The following SEC14L1 variants were observed in gnomAD, a reference collection of about 807,000 sequenced individuals.
The protein encoded by SEC14L1 is SEC14-like protein 1.
A neutral mutation model predicts 85.3 loss-of-function variants in SEC14L1; 48 were observed. The observed-to-expected ratio is 0.56, with a 90% CI of 0.45 to 0.72. The LOEUF is 0.72. Ranked by LOEUF, SEC14L1 falls within the 30% of genes least tolerant of loss-of-function variation. The probability of loss-of-function intolerance (pLI) is 0.00; values close to 1 mark genes in which losing one functional copy is unlikely to be tolerated. For synonymous variants in SEC14L1, 391 were observed against 355.5 expected, an observed-to-expected ratio of 1.10 and a Z score of -1.12; for missense variants, 682 against 921.4, an observed-to-expected ratio of 0.74 and a Z score of 3.36.
intron 3 of SEC14L1, among the ~76,000 whole-genome samples, chr17:77,180,093 GTTA>G (rs1567913200): frequency 9.4e-4 from 127 of 135,214 alleles, no homozygotes; most frequent in African/African-American, 3.3e-3. Flanking sequence ...GTTATGTTAT[GTTA>G]TGTTACTTTA....
upstream of SEC14L1, among the ~76,000 whole-genome samples, chr17:77,139,592 G>A (rs991790849): frequency 2.0e-5 from 3 of 151,042 alleles, no homozygotes; most frequent in African/African-American, 7.3e-5. Context: ...CTGCCTCCAG[G>A]GTTCACGCCA....
chr17:77,145,778 C>T (rs1469740114), intron 3 of SEC14L1, among the ~76,000 whole-genome samples: 1 of 152,128 alleles, frequency 6.6e-6, no homozygotes, highest in Non-Finnish European at 1.5e-5. Context: ...AGGGAGGTTC[C>T]TGGCTGCTCT....
intron 3 of SEC14L1, among the ~76,000 whole-genome samples, chr17:77,161,063 T>C (rs988280781): frequency 6.6e-6 from 1 of 152,256 alleles, no homozygotes; most frequent in Non-Finnish European, 1.5e-5. Context: ...CATATTCATT[T>C]TGAAGGGGAA....
upstream of SEC14L1, among the ~76,000 whole-genome samples, chr17:77,139,789 C>A (rs1027674702): frequency 6.6e-6 from 1 of 152,070 alleles, no homozygotes; most frequent in African/African-American, 2.4e-5. Context: ...TGAGCCACCG[C>A]GCCCGGCCGG....
chr17:77,092,391 G>C (rs796581788), intron 2 of SEC14L1, among the ~76,000 whole-genome samples: 5 of 152,244 alleles, frequency 3.3e-5, no homozygotes, highest in African/African-American at 1.2e-4. Flanking sequence ...ACCCTTCAGG[G>C]GATGGGACCC....
chr17:77,133,409 T>C (rs1361093565), intron 3 of SEC14L1, among the ~76,000 whole-genome samples: 4 of 152,216 alleles, frequency 2.6e-5, no homozygotes, highest in Admixed American at 1.3e-4. Context: ...GTGACCAGGC[T>C]GCTGACACTG....
intron 3 of SEC14L1, chr17:77,185,473 T>A: frequency 1.4e-6 from 1 of 725,790 alleles, no homozygotes; most frequent in Non-Finnish European, 1.7e-6. Context: ...AAATTCAAGG[T>A]GAGGCTGCGT....
In SEC14L1 at chr17:77,213,293, C is replaced by G. The variant is rs1315404462; in HGVS notation, c.1864-21C>G. On this transcript the variant is annotated intron_variant, in intron 15 of 16. Coordinates refer to ENST00000436233, the MANE Select transcript of SEC14L1 (RefSeq NM_001143998.2). This position sits in a 1 kb window ranked among gnomAD's most constrained non-coding sequence, Gnocchi z 7.1. Reference sequence around the variant, plus strand: ...GTCGGAAGCGAGTCGCCCTCAGCTGCCACTGCCCTACTTGTTCTAGGGTTC... The same window carrying G: ...GTCGGAAGCGAGTCGCCCTCAGCTGGCACTGCCCTACTTGTTCTAGGGTTC... The G allele has an allele frequency of 5.7e-6, 9 of 1,585,988 alleles. No homozygotes were observed. Among genetic ancestry groups the G allele is most frequent in the African/African-American group, 1.3e-5 (1 of 74,592 alleles).
At chr17:77,108,947 C>T (rs1211189174) in intron 3 of SEC14L1, among the ~76,000 whole-genome samples, 3 of 152,016 alleles carry the variant, frequency 2.0e-5, no homozygotes, top group Non-Finnish European at 4.4e-5. Context: ...CTCAGCCTCC[C>T]AAGTAGCTGG....
chr17:77,150,188 T>C (rs1471287515), intron 3 of SEC14L1, among the ~76,000 whole-genome samples: 1 of 152,208 alleles, frequency 6.6e-6, no homozygotes, highest in Admixed American at 6.5e-5. Flanking sequence ...GTCTCATGTC[T>C]TCCCATTAAG....
chr17:77,206,429 G>T lies in SEC14L1; in HGVS notation c.1341+29G>T, dbSNP rs1338214724. On this transcript the variant is annotated intron_variant, in intron 12 of 16. Transcript: ENST00000436233. The surrounding 1 kb of genome is among the most constrained non-coding windows in gnomAD (Gnocchi z 4.3). ...GGTTGAGATGCTTTTTGCAGTAACT[G>T]TGAGCCATTTGGAAAGCAGATAACA... The T allele has an allele frequency of 6.2e-7, 1 of 1,601,322 alleles. No homozygotes were observed. Among genetic ancestry groups the T allele is most frequent in the East Asian group, 2.2e-5 (1 of 44,576 alleles).
intron 3 of SEC14L1, among the ~76,000 whole-genome samples, chr17:77,171,600 C>G (rs760070828): frequency 2.6e-5 from 4 of 152,180 alleles, no homozygotes; most frequent in Non-Finnish European, 4.4e-5. Context: ...GTTAATGAGG[C>G]CTTGCTCTGT....
intron 9 of SEC14L1, among the ~76,000 whole-genome samples, chr17:77,203,106 T>G (rs1481243444): frequency 6.6e-6 from 1 of 152,180 alleles, no homozygotes; most frequent in African/African-American, 2.4e-5. Context: ...AAAAAATGAT[T>G]TTCTAAGAAA....
chr17:77,155,572 C>T (rs947053769), intron 3 of SEC14L1, among the ~76,000 whole-genome samples: 2 of 152,090 alleles, frequency 1.3e-5, no homozygotes, highest in East Asian at 1.9e-4. Context: ...GGTGGCTTAG[C>T]CCCAGACCAC....
At chr17:77,189,545 A>G (rs897370207) in intron 3 of SEC14L1, among the ~76,000 whole-genome samples, 2 of 152,132 alleles carry the variant, frequency 1.3e-5, no homozygotes, top group African/African-American at 4.8e-5. Context: ...TATGTATTCT[A>G]GGCACTAGTC....
chr17:77,129,467 T>C (rs758462228), intron 3 of SEC14L1, among the ~76,000 whole-genome samples: 3 of 152,084 alleles, frequency 2.0e-5, no homozygotes, highest in South Asian at 4.2e-4. Flanking sequence ...ACTGTGTATA[T>C]AGAACCTTCC....
At chr17:77,130,472 A>T (rs1053676293) in intron 3 of SEC14L1, among the ~76,000 whole-genome samples, 1 of 151,502 alleles carries the variant, frequency 6.6e-6, no homozygotes. Context: ...GCGCTACCAC[A>T]CTCAGCTAAT....
At chr17:77,122,384 C>T (rs1972324043) in intron 3 of SEC14L1, among the ~76,000 whole-genome samples, 1 of 151,890 alleles carries the variant, frequency 6.6e-6, no homozygotes, top group Non-Finnish European at 1.5e-5. Context: ...TCACTGTAGC[C>T]TCAACTTTCC....
At chr17:77,153,108 C>T (rs1369769135) in intron 3 of SEC14L1, among the ~76,000 whole-genome samples, 1 of 152,154 alleles carries the variant, frequency 6.6e-6, no homozygotes, top group African/African-American at 2.4e-5. Context: ...TCACTCGTCA[C>T]CCAGGCTGGA....
Sources: gnomAD v4.1 joint callset for allele counts (sites outside exome capture counted in the v4.1 genomes callset) on GRCh38, gnomAD v4.1.1 for gene constraint, Gnocchi (gnomAD v3.1) non-coding constraint, MANE v1.5 for transcripts, NCBI Gene and HGNC (gene_info 2026-07-23, HGNC 2026-07-21) for gene names.